The following ADGRL2 variants were observed in gnomAD, a reference collection of about 807,000 sequenced individuals.
ADGRL2 encodes the protein calcium-independent alpha-latrotoxin receptor 2.
In ADGRL2, 44 loss-of-function variants were observed where a neutral mutation model predicts 157.4. That is an observed-to-expected ratio of 0.28 (90% confidence interval 0.22 to 0.36). The LOEUF (loss-of-function observed/expected upper bound fraction) is 0.36, where lower values mean the gene tolerates loss of function less well. Ranked by LOEUF, ADGRL2 falls within the 10% of genes least tolerant of loss-of-function variation. The pLI is 1.00. For synonymous variants in ADGRL2, 585 were observed against 624.7 expected (o/e 0.94, Z 0.95); for missense variants, 1,510 against 1,768.9 (o/e 0.85, Z 2.63).
At chr1:81,588,474 CTG>C (rs1308768030) in intron 3 of ADGRL2, 1 of 152,170 alleles carries the variant, frequency 6.6e-6, no homozygotes, top group Non-Finnish European at 1.5e-5. Context: ...GTAAATCAAA[CTG>C]TAGCTTCCAC....
At chr1:81,564,678 A>G (rs2080518950) in intron 2 of ADGRL2, among the ~76,000 whole-genome samples, 1 of 152,198 alleles carries the variant, frequency 6.6e-6, no homozygotes, top group Non-Finnish European at 1.5e-5. Flanking sequence ...GTTCATTAGA[A>G]AAATGCAAGT....
intron 3 of ADGRL2, among the ~76,000 whole-genome samples, chr1:81,907,560 A>T (rs1315972387): frequency 1.3e-5 from 2 of 152,224 alleles, no homozygotes; most frequent in Non-Finnish European, 1.5e-5. Flanking sequence ...TGTAACATCA[A>T]GAATGTTGAA....
At chr1:81,623,039 G>C (rs796673562) in intron 3 of ADGRL2, among the ~76,000 whole-genome samples, 149 of 152,290 alleles carry the variant, frequency 9.8e-4, no homozygotes, top group African/African-American at 3.3e-3. Flanking sequence ...ATATCACCTA[G>C]TGATCTTAAT....
chr1:81,551,445 T>C (rs2080143834), intron 2 of ADGRL2, among the ~76,000 whole-genome samples: 2 of 152,190 alleles, frequency 1.3e-5, no homozygotes, highest in African/African-American at 4.8e-5. Context: ...AGCTGTCAAG[T>C]GAACAAATGA....
At chr1:81,432,576 T>C (rs952753412) in intron 1 of ADGRL2, among the ~76,000 whole-genome samples, 2 of 152,236 alleles carry the variant, frequency 1.3e-5, no homozygotes, top group African/African-American at 2.4e-5. Flanking sequence ...AATGTTATTA[T>C]GAGTTCTTAA....
intron 3 of ADGRL2, among the ~76,000 whole-genome samples, chr1:81,674,521 A>G (rs1400374488): frequency 6.6e-6 from 1 of 152,126 alleles, no homozygotes; most frequent in Non-Finnish European, 1.5e-5. Flanking sequence ...TGCTGTTTTT[A>G]TTTGCGCCCA....
intron 2 of ADGRL2, among the ~76,000 whole-genome samples, chr1:81,534,352 G>A (rs895007805): frequency 6.6e-6 from 1 of 152,018 alleles, no homozygotes; most frequent in East Asian, 1.9e-4. Context: ...GGTAGAGACG[G>A]GGTTTCACCA....
intron 2 of ADGRL2, among the ~76,000 whole-genome samples, chr1:81,459,211 G>C (rs1387214481): frequency 1.3e-5 from 2 of 152,166 alleles, no homozygotes; most frequent in African/African-American, 4.8e-5. Flanking sequence ...ATCCAGAACT[G>C]GCAGCTCAGT....
intron 1 of ADGRL2, among the ~76,000 whole-genome samples, chr1:81,805,547 A>G (rs952723035): frequency 5.9e-5 from 9 of 151,984 alleles, no homozygotes; most frequent in Non-Finnish European, 8.8e-5. Context: ...GGGAAAAACT[A>G]TCATTAATTG....
intron 2 of ADGRL2, among the ~76,000 whole-genome samples, chr1:81,766,687 G>T (rs937095600): frequency 6.6e-6 from 1 of 151,520 alleles, no homozygotes; most frequent in Non-Finnish European, 1.5e-5. Context: ...AAAATCAGCC[G>T]GGCATGGTGG....
At chr1:81,731,143 C>T (rs2084710190) in intron 1 of ADGRL2, among the ~76,000 whole-genome samples, 1 of 152,176 alleles carries the variant, frequency 6.6e-6, no homozygotes, top group African/African-American at 2.4e-5. Context: ...GCTAGCCTCC[C>T]TCCTGCTAGG....
At chr1:81,343,332 C>G (rs1662224449) in intron 1 of ADGRL2, among the ~76,000 whole-genome samples, 1 of 151,932 alleles carries the variant, frequency 6.6e-6, no homozygotes, top group Non-Finnish European at 1.5e-5. Context: ...TCAAGCAATC[C>G]CCCTACCTCA....
intron 17 of ADGRL2, among the ~76,000 whole-genome samples, chr1:81,972,960 G>T (rs1020386436): frequency 1.2e-4 from 18 of 150,628 alleles, no homozygotes; most frequent in Admixed American, 1.1e-3. Flanking sequence ...GTGAGAAATG[G>T]TGTTATTAAC....
At chr1:81,700,261 G>A (rs947265864) in intron 1 of ADGRL2, among the ~76,000 whole-genome samples, 22 of 152,200 alleles carry the variant, frequency 1.4e-4, no homozygotes, top group African/African-American at 5.3e-4. Context: ...AGAAACCAAA[G>A]GAGATGGCTT....
At chr1:81,966,259 G>A (rs931639831) in intron 12 of ADGRL2, 76 bp downstream of exon 12, 1 of 1,585,934 alleles carries the variant, frequency 6.3e-7, no homozygotes, top group African/African-American at 1.4e-5. Context: ...ATGTATTTGA[G>A]TCCTTATATA....
At chr1:81,402,551 G>A (rs958745495) in intron 1 of ADGRL2, among the ~76,000 whole-genome samples, 1 of 152,064 alleles carries the variant, frequency 6.6e-6, no homozygotes, top group African/African-American at 2.4e-5. Context: ...ATTTCAGAAA[G>A]AGAATCAACT....
At chr1:81,494,131 GC>G (rs2078686305) in intron 2 of ADGRL2, among the ~76,000 whole-genome samples, 1 of 152,052 alleles carries the variant, frequency 6.6e-6, no homozygotes, top group Non-Finnish European at 1.5e-5. Flanking sequence ...AAACTCTCTT[GC>G]CTAAATGCCA....
chr1:81,824,157 C>T (rs545151883), intron 1 of ADGRL2, among the ~76,000 whole-genome samples: 7 of 152,088 alleles, frequency 4.6e-5, no homozygotes, highest in East Asian at 1.9e-4. Context: ...GTATTACTTG[C>T]AGTTTAAGCC....
At chr1:81,960,389 G>A (rs1654947927) in intron 11 of ADGRL2, among the ~76,000 whole-genome samples, 1 of 151,968 alleles carries the variant, frequency 6.6e-6, no homozygotes, top group African/African-American at 2.4e-5. Flanking sequence ...TTATTTCCTT[G>A]TGATTTTCAG....
Sources: gnomAD v4.1 joint callset for allele counts (sites outside exome capture counted in the v4.1 genomes callset) on GRCh38, gnomAD v4.1.1 for gene constraint, MANE v1.5 for transcripts, NCBI Gene and HGNC (gene_info 2026-07-23, HGNC 2026-07-21) for gene names.